PCDH12: variants seen among roughly 807,000 people sequenced by gnomAD.
The protein encoded by PCDH12 is protocadherin 12.
A neutral mutation model predicts 70.9 loss-of-function variants in PCDH12; 45 were observed. That is an observed-to-expected ratio of 0.63 (90% CI 0.50 to 0.81). The LOEUF is 0.81. Among genes scored for constraint, PCDH12 ranks in the 40% least tolerant of loss-of-function variants. PCDH12 has a pLI of 0.00. For missense variants in PCDH12, 1,370 were observed against 1,491.7 expected (o/e 0.92, Z 1.34); for synonymous variants, 567 against 626.0 (o/e 0.91, Z 1.41).
In PCDH12 at chr5:141,956,482, G is replaced by T; in HGVS notation, c.1370C>A (p.Ala457Glu). Residue 457 changes from alanine (A) to glutamate (E), a missense_variant, in exon 1 of 4, where the codon GCA becomes GAA. By Grantham distance (107) the Ala-to-Glu change is moderately radical. Coordinates refer to ENST00000231484, the MANE Select transcript of PCDH12 (RefSeq NM_016580.4). Reference sequence around the variant, plus strand: ...ATACCTGCTTTTCTCAAACACAGGTGCATTGTCGTTGATGTCACTGATCTG... The same window carrying T: ...ATACCTGCTTTTCTCAAACACAGGTTCATTGTCGTTGATGTCACTGATCTG... ...SIQISDINDN[A>E]PVFEKSRYEV... 6.2e-7 allele frequency: 1 copy of T among 1,614,220 alleles called. No homozygotes were observed. Among genetic ancestry groups the T allele is most frequent in the Non-Finnish European group, 8.5e-7 (1 of 1,180,022 alleles).
rs768107734 is a variant in PCDH12, at chr5:141,957,788, C to G, written c.64G>C (p.Gly22Arg). 6 of 1,607,448 alleles carry G rather than the reference C, an allele frequency of 3.7e-6. No homozygotes were observed. The highest frequency in any genetic ancestry group is 1.3e-5 in the African/African-American group (1 of 75,044). ...LGPGGYLFLLGDCQEVTTLTV... is the reference protein window; with the variant it reads ...LGPGGYLFLLRDCQEVTTLTV... ...AGAGTGGTCACCTCCTGACAATCCC[C>G]TAAAAGAAATAAGTAGCCACCTGGC... The change falls in exon 1 of 4, where the codon GGG becomes CGG. Residue 22 changes from glycine (G) to arginine (R), a missense_variant. Physicochemically the swap from Gly to Arg is moderately radical, Grantham distance 125. Coordinates refer to ENST00000231484, the MANE Select transcript of PCDH12 (RefSeq NM_016580.4). This position sits in a 1 kb window ranked among gnomAD's most constrained non-coding sequence, Gnocchi z 4.3.
chr5:141,955,072 CCT>C lies in PCDH12; in HGVS notation c.2778_2779del (p.Gly927AlafsTer57), dbSNP rs767176274. ...CAGGCTCCGCAGGATCTGACGGGGC[CCT>C]GATTCTTTCTCAGGGGACACTTTGC... On this transcript the variant is annotated frameshift_variant, in exon 1 of 4. Coordinates refer to ENST00000231484, the MANE Select transcript of PCDH12 (RefSeq NM_016580.4). LOFTEE classifies it high-confidence loss of function. The surrounding 1 kb of genome is among the most constrained non-coding windows in gnomAD (Gnocchi z 5.5). 2.5e-6 allele frequency: 4 copies of C among 1,614,176 alleles called. No individual in the cohort carries two copies.
intron 2 of PCDH12, among the ~76,000 whole-genome samples, chr5:141,951,260 A>G (rs1330421902): frequency 1.3e-5 from 2 of 152,160 alleles, no homozygotes; most frequent in African/African-American, 4.8e-5. Context: ...TATTGATGGT[A>G]TTTATCAATA....
In PCDH12 at chr5:141,954,977, CAGG is replaced by C; in HGVS notation, c.2872_2874del (p.Pro958del). ...GCTGCCCATGCCCCAGGTACCTGAA[CAGG>C]AGGAGAATCCACAGTGAGCTCCTCC... On this transcript the variant is annotated inframe_deletion, in exon 1 of 4. Transcript: ENST00000231484. The C allele has an allele frequency of 6.2e-7, 1 of 1,610,602 alleles. No homozygotes were observed. Among genetic ancestry groups the C allele is most frequent in the Non-Finnish European group, 8.5e-7 (1 of 1,177,576 alleles).
At chr5:141,951,940 A>G (rs1205704560) in intron 1 of PCDH12, among the ~76,000 whole-genome samples, 1 of 152,242 alleles carries the variant, frequency 6.6e-6, no homozygotes, top group Non-Finnish European at 1.5e-5. Flanking sequence ...ACTTTGATGA[A>G]GATTATCTTA....
chr5:141,954,304 G>T (rs2126925752), intron 1 of PCDH12, among the ~76,000 whole-genome samples: 1 of 152,322 alleles, frequency 6.6e-6, no homozygotes, highest in South Asian at 2.1e-4. Context: ...ACCTGGGTTT[G>T]GGTGCAATGA....
Position 141,956,938 on chromosome 5 carries a change from A to G in PCDH12, c.914T>C (p.Ile305Thr), listed in dbSNP as rs1359537506. ...FSIDAKTGQVILRRPLDYEKN... is the reference protein window; with the variant it reads ...FSIDAKTGQVTLRRPLDYEKN... ...TTCATAGTCTAGAGGTCGACGCAGA[A>G]TGACCTGGCCTGTCTTGGCATCAAT... is the stretch of plus-strand genomic sequence containing the variant. Residue 305 changes from isoleucine (I) to threonine (T), a missense_variant, in exon 1 of 4, where the codon ATT becomes ACT. Transcript: ENST00000231484. 6.2e-7 allele frequency: 1 copy of G among 1,614,150 alleles called. No individual in the cohort carries two copies. The highest frequency in any genetic ancestry group is 2.2e-5 in the East Asian group (1 of 44,878).
At chr5:141,949,939 G>T (rs1173580280) in intron 2 of PCDH12, among the ~76,000 whole-genome samples, 2 of 152,196 alleles carry the variant, frequency 1.3e-5, no homozygotes, top group Admixed American at 1.3e-4. Context: ...TCTAGGTATT[G>T]CCTGGCACAC....
At chr5:141,947,374 A>G (rs943620464) in intron 3 of PCDH12, among the ~76,000 whole-genome samples, 1 of 152,260 alleles carries the variant, frequency 6.6e-6, no homozygotes, top group Non-Finnish European at 1.5e-5. Flanking sequence ...TTGGTGTTAT[A>G]GAATCAGGCC....
Position 141,954,708 on chromosome 5 carries a change from A to G in PCDH12, c.2880+264T>C, listed in dbSNP as rs189110513. Among the ~76,000 whole-genome samples, 7 of 152,318 alleles carry G rather than the reference A, an allele frequency of 4.6e-5. No homozygotes were observed. In the East Asian group the frequency reaches 1.3e-3, roughly 29 times the overall value. The stretch of plus-strand genomic sequence containing the variant: ...TTGATCAAATCCTCTGGACAACTCT[A>G]CAAGGTAGATACTCTTACTATCATC... On this transcript the variant is annotated intron_variant, in intron 1 of 3. Transcript: ENST00000231484.
chr5:141,951,473 G>C lies in PCDH12; in HGVS notation c.2978+20C>G, dbSNP rs1753080369. On this transcript the variant is annotated intron_variant, in intron 2 of 3. Transcript: ENST00000231484. The stretch of plus-strand genomic sequence containing the variant: ...CCAGTAGGGGCCTTGAGATGCCTGT[G>C]GGGGCTACGTGCTGCTTACCTGCTG... The C allele has an allele frequency of 1.3e-6, 2 of 1,596,080 alleles. No homozygotes were observed. Among genetic ancestry groups the C allele is most frequent in the Non-Finnish European group, 1.7e-6 (2 of 1,163,878 alleles).
In PCDH12 at chr5:141,955,085, C is replaced by T. The variant is rs775039753; in HGVS notation, c.2767G>A (p.Glu923Lys). Residue 923 changes from glutamate (E) to lysine (K), a missense_variant, in exon 1 of 4, where the codon GAG becomes AAG. Physicochemically the swap from Glu to Lys is moderately conservative, Grantham distance 56. Transcript: ENST00000231484. The surrounding 1 kb of genome is among the most constrained non-coding windows in gnomAD (Gnocchi z 5.5). Reference sequence around the variant, plus strand: ...ATCTGACGGGGCCCTGATTCTTTCTCAGGGGACACTTTGCCATTGAGATGT... The same window carrying T: ...ATCTGACGGGGCCCTGATTCTTTCTTAGGGGACACTTTGCCATTGAGATGT... ...QRHLNGKVSP[E>K]KESGPRQILR... 6.2e-7 allele frequency: 1 copy of T among 1,614,130 alleles called. No homozygotes were observed.
Position 141,951,510 on chromosome 5 carries a change from G to A in PCDH12, c.2961C>T (p.Ala987=), listed in dbSNP as rs139682936. The change falls in exon 2 of 4, where the codon GCC becomes GCT. Residue 987 remains alanine (A), a synonymous_variant. Transcript: ENST00000231484. ...KPNHRGNKYL[A]KPGGSRSAIP... ...CTGCTTACCTGCTGCCTCCTGGCTTGGCCAAGTACTTATTTCCTCGGTGGT... is the reference window on the plus strand; with the variant it reads ...CTGCTTACCTGCTGCCTCCTGGCTTAGCCAAGTACTTATTTCCTCGGTGGT... 81 of 1,614,090 alleles carry A rather than the reference G, an allele frequency of 5.0e-5. No individual in the cohort carries two copies. The African/African-American group carries it at 6.5e-4, about 13-fold the overall frequency.
Position 141,955,643 on chromosome 5 carries a change from T to C in PCDH12, c.2209A>G (p.Met737Val), listed in dbSNP as rs1753166944. 4 of 1,614,110 alleles carry C rather than the reference T, an allele frequency of 2.5e-6. No individual in the cohort carries two copies. Among genetic ancestry groups the C allele is most frequent in the Admixed American group, 1.7e-5 (1 of 60,012 alleles). ...TTCTTTTCTGTCCGGCAGATGGACA[T>C]GAACAAAGCCAGGATCAACCCGAAG... The part of the protein sequence containing the change: ...GIFGLILALF[M>V]SICRTEKKDN... Residue 737 changes from methionine (M) to valine (V), a missense_variant, in exon 1 of 4, where the codon ATG (methionine) becomes GTG (valine). Transcript: ENST00000231484. This position sits in a 1 kb window ranked among gnomAD's most constrained non-coding sequence, Gnocchi z 5.5.
At chr5:141,948,226 G>T (rs972693679) in intron 3 of PCDH12, among the ~76,000 whole-genome samples, 4 of 152,046 alleles carry the variant, frequency 2.6e-5, no homozygotes, top group Non-Finnish European at 5.9e-5. Context: ...TATGAAATGG[G>T]GATAATGAAT....
chr5:141,945,952 G>A, intron 3 of PCDH12, 147 bp from the exon 4 acceptor site: 2 of 739,692 alleles, frequency 2.7e-6, no homozygotes, highest in South Asian at 3.7e-5. Context: ...ACGGGGACAG[G>A]AAGGAAGAGG....
In PCDH12 at chr5:141,955,098, G is replaced by A. The variant is rs1247096981; in HGVS notation, c.2754C>T (p.Gly918=). The change falls in exon 1 of 4, where the codon GGC becomes GGT. Residue 918 remains glycine, a synonymous_variant. Coordinates refer to ENST00000231484, the MANE Select transcript of PCDH12 (RefSeq NM_016580.4). The surrounding 1 kb of genome is among the most constrained non-coding windows in gnomAD (Gnocchi z 5.5). Reference sequence around the variant, plus strand: ...CTGATTCTTTCTCAGGGGACACTTTGCCATTGAGATGTCGCTGCCGTCTCA... The same window carrying A: ...CTGATTCTTTCTCAGGGGACACTTTACCATTGAGATGTCGCTGCCGTCTCA... ...ATLRRQRHLN[G]KVSPEKESGP... 6.2e-7 allele frequency: 1 copy of A among 1,614,110 alleles called. No individual in the cohort carries two copies. Among genetic ancestry groups the A allele is most frequent in the Non-Finnish European group, 8.5e-7 (1 of 1,180,048 alleles).
Position 141,955,293 on chromosome 5 carries a change from G to A in PCDH12, c.2559C>T (p.Pro853=). The A allele has an allele frequency of 6.2e-7, 1 of 1,614,228 alleles. No individual in the cohort carries two copies. The highest frequency in any genetic ancestry group is 1.1e-5 in the South Asian group (1 of 91,090). Residue 853 remains proline, a synonymous_variant, in exon 1 of 4, where the codon CCC becomes CCT. Transcript: ENST00000231484. The surrounding 1 kb of genome is among the most constrained non-coding windows in gnomAD (Gnocchi z 5.5). ...QDTVNLLFNH[P]RQRNASRENL... is the part of the protein sequence containing the mutation. ...TCTCCCGGGAGGCATTCCTCTGCCT[G>A]GGATGGTTGAAAAGGAGGTTGACCG...
Position 141,945,016 on chromosome 5 carries a change from C to A in PCDH12, c.*365G>T. Reference sequence around the variant, plus strand: ...AGGTCAGAGAGCATTTCCTGGCACCCCCAGGGTACAGCCCCCTGACTCCTG... The same window carrying A: ...AGGTCAGAGAGCATTTCCTGGCACCACCAGGGTACAGCCCCCTGACTCCTG... On this transcript the variant is annotated 3_prime_UTR_variant, in exon 4 of 4. Transcript: ENST00000231484. 4.1e-6 allele frequency: 1 copy of A among 245,862 alleles called. No homozygotes were observed. The highest frequency in any genetic ancestry group is 7.8e-6 in the Non-Finnish European group (1 of 128,268). The allele number at this position is 245,862 out of a possible 1,614,324, so 15.2% of individuals were successfully genotyped here.
Sources: allele counts gnomAD v4.1 joint callset (sites outside exome capture counted in the v4.1 genomes callset), GRCh38; gene constraint gnomAD v4.1.1; non-coding constraint Gnocchi (gnomAD v3.1); transcripts MANE v1.5; gene names NCBI Gene and HGNC (gene_info 2026-07-23, HGNC 2026-07-21).